SMIM41: variants seen among roughly 807,000 people sequenced by gnomAD.
The protein encoded by SMIM41 is small integral membrane protein 41.
intron 2 of SMIM41, among the ~76,000 whole-genome samples, chr12:52,095,578 C>T (rs1329855598): frequency 6.6e-6 from 1 of 152,152 alleles, no homozygotes; most frequent in African/African-American, 2.4e-5. Flanking sequence ...GTATCATCCT[C>T]TCCCACGTTG....
At chr12:52,083,175 C>T (rs1592321140) in intron 1 of SMIM41, among the ~76,000 whole-genome samples, 1 of 152,270 alleles carries the variant, frequency 6.6e-6, no homozygotes, top group Non-Finnish European at 1.5e-5. Flanking sequence ...TGGCTGTGCC[C>T]CCTGCCTTCT....
Position 52,080,055 on chromosome 12 carries a change from C to T in SMIM41, c.276C>T (p.Asp92=). ...GSASGEDGDD[D]S ...CCAGCGGAGAGGACGGCGACGACGA[C>T]TCCTAGGCGCCCGGCTGCGCTCGGT... The change falls in exon 1 of 3, where the codon GAC becomes GAT. Residue 92 remains aspartate, a synonymous_variant. Coordinates refer to ENST00000546390, the MANE Select transcript of SMIM41 (RefSeq NM_001369216.1). The T allele has an allele frequency of 2.7e-6, 1 of 363,834 alleles. No homozygotes were observed. Among genetic ancestry groups the T allele is most frequent in the Non-Finnish European group, 4.9e-6 (1 of 203,442 alleles). 22.5% of individuals were successfully genotyped at this position (363,834 alleles called of 1,614,324 possible).
intron 2 of SMIM41, among the ~76,000 whole-genome samples, chr12:52,090,640 T>C (rs948083264): frequency 1.3e-5 from 2 of 152,182 alleles, no homozygotes; most frequent in African/African-American, 2.4e-5. Context: ...GGACTTGTCT[T>C]GCACATTTTC....
intron 2 of SMIM41, among the ~76,000 whole-genome samples, chr12:52,091,264 C>T (rs1939998299): frequency 6.6e-6 from 1 of 152,188 alleles, no homozygotes; most frequent in Non-Finnish European, 1.5e-5. Context: ...TTTCAGGTGG[C>T]CATTCAGGGA....
At chr12:52,095,738 G>A (rs1004978327) in intron 2 of SMIM41, among the ~76,000 whole-genome samples, 1 of 151,872 alleles carries the variant, frequency 6.6e-6, no homozygotes, top group African/African-American at 2.4e-5. Context: ...TCTCTGCCTT[G>A]GAATATTAAG....
intron 2 of SMIM41, among the ~76,000 whole-genome samples, chr12:52,084,261 G>T (rs1246691966): frequency 6.6e-6 from 1 of 151,774 alleles, no homozygotes; most frequent in Non-Finnish European, 1.5e-5. Flanking sequence ...ATAATGGGGA[G>T]AATTGCTTGA....
In SMIM41 at chr12:52,107,929, T is replaced by A; in HGVS notation, c.*746T>A. On this transcript the variant is annotated 3_prime_UTR_variant, in exon 3 of 3. Coordinates refer to ENST00000546390, the MANE Select transcript of SMIM41 (RefSeq NM_001369216.1). ...TGTGACACCTTCATCAATAACATAA[T>A]CATGTATTTCCCTACTGCCATATTT... 1 of 274,278 alleles carries A rather than the reference T, an allele frequency of 3.6e-6. No homozygotes were observed. The highest frequency in any genetic ancestry group is 7.1e-6 in the Non-Finnish European group (1 of 140,456). The allele number at this position is 274,278 out of a possible 1,614,324, so 17.0% of individuals were successfully genotyped here.
rs181433370 is a variant in SMIM41, at chr12:52,100,139, T to G, written c.*196-7240T>G. Reference sequence around the variant, plus strand: ...GCGCGGGTATACATTTCCTACGCTGTTGGGAGTAATATCATTCTTTTCCTC... The same window carrying G: ...GCGCGGGTATACATTTCCTACGCTGGTGGGAGTAATATCATTCTTTTCCTC... On this transcript the variant is annotated intron_variant, in intron 2 of 2. Transcript: ENST00000546390. 4.4e-3 allele frequency among the ~76,000 whole-genome samples: 670 copies of G among 152,206 alleles called. 3 individuals are homozygous for G. Among genetic ancestry groups the G allele is most frequent in the African/African-American group, 0.015 (641 of 41,508 alleles).
chr12:52,093,175 C>T (rs7134974), intron 2 of SMIM41, among the ~76,000 whole-genome samples: 33,116 of 152,052 alleles, frequency 0.22, 4,316 homozygotes, highest in East Asian at 0.45. Flanking sequence ...TCCAGCCTAG[C>T]GACAGAGCGA....
chr12:52,094,133 G>GAAAA (rs71092745), intron 2 of SMIM41, among the ~76,000 whole-genome samples: 3 of 128,598 alleles, frequency 2.3e-5, no homozygotes, highest in Non-Finnish European at 4.7e-5. Context: ...TCCATCTCCG[G>GAAAA]AAAAAAAAAA....
chr12:52,080,044 G>A lies in SMIM41; in HGVS notation c.265G>A (p.Gly89Ser), dbSNP rs1378676149. Residue 89 changes from glycine to serine, a missense_variant, in exon 1 of 3, where the codon GGC becomes AGC. Coordinates refer to ENST00000546390, the MANE Select transcript of SMIM41 (RefSeq NM_001369216.1). ...PEPGSASGEDGDDDS is the reference protein window; with the variant it reads ...PEPGSASGEDSDDDS ...GCCGGGCAGTGCCAGCGGAGAGGAC[G>A]GCGACGACGACTCCTAGGCGCCCGG... 5 of 366,458 alleles carry A rather than the reference G, an allele frequency of 1.4e-5. No individual in the cohort carries two copies. Among genetic ancestry groups the A allele is most frequent in the Non-Finnish European group, 2.4e-5 (5 of 205,292 alleles). The allele number at this position is 366,458 out of a possible 1,614,324, so 22.7% of individuals were successfully genotyped here.
At chr12:52,082,704 G>A (rs993069949) in intron 1 of SMIM41, among the ~76,000 whole-genome samples, 1 of 152,154 alleles carries the variant, frequency 6.6e-6, no homozygotes, top group African/African-American at 2.4e-5. Context: ...GGGCTGGGGC[G>A]GCTGATGGGT....
intron 2 of SMIM41, among the ~76,000 whole-genome samples, chr12:52,095,835 G>T (rs1940083312): frequency 6.6e-6 from 1 of 151,886 alleles, no homozygotes. Context: ...AAACAGAGTG[G>T]GTGTACACCT....
rs748941788 is a variant in SMIM41, at chr12:52,081,573, G to T, written c.*120+1392G>T. ...TTGTCCAGGGCCCTGAGGCGTGTGT[G>T]TAGTGTGTCTGTTACTGCACCTGGC... On this transcript the variant is annotated intron_variant, in intron 1 of 2. Transcript: ENST00000546390. The surrounding 1 kb of genome is among the most constrained non-coding windows in gnomAD (Gnocchi z 4.1). Among the ~76,000 whole-genome samples the T allele has an allele frequency of 2.1e-4, 32 of 152,246 alleles. No individual in the cohort carries two copies. The highest frequency in any genetic ancestry group is 2.9e-4 in the Non-Finnish European group (20 of 67,990).
At chr12:52,104,563 T>C (rs1338544241) in intron 2 of SMIM41, among the ~76,000 whole-genome samples, 1 of 152,062 alleles carries the variant, frequency 6.6e-6, no homozygotes, top group Non-Finnish European at 1.5e-5. Flanking sequence ...CCTTGTTTTG[T>C]ATCCTCATCC....
intron 2 of SMIM41, among the ~76,000 whole-genome samples, chr12:52,096,589 A>C (rs1412355884): frequency 6.6e-6 from 1 of 151,828 alleles, no homozygotes; most frequent in Non-Finnish European, 1.5e-5. Flanking sequence ...ATTAATAGTA[A>C]TTATTAGGAG....
intron 2 of SMIM41, among the ~76,000 whole-genome samples, chr12:52,099,124 G>A (rs549163453): frequency 7.3e-5 from 11 of 150,822 alleles, no homozygotes; most frequent in African/African-American, 2.7e-4. Context: ...AGGGATGTGT[G>A]TACCCCCTGC....
intron 1 of SMIM41, among the ~76,000 whole-genome samples, chr12:52,080,825 A>G (rs1188459084): frequency 6.6e-6 from 1 of 151,444 alleles, no homozygotes; most frequent in African/African-American, 2.4e-5. Context: ...GCCCTGGGGA[A>G]TGGGGAGGTG....
chr12:52,107,225 ATTACTTG>A, intron 2 of SMIM41, 147 bp from the exon 3 acceptor site: 1 of 368,954 alleles, frequency 2.7e-6, no homozygotes, highest in South Asian at 2.0e-5. Context: ...ATCTGAAAAC[ATTACTTG>A]TGAATTGCTT....
Sources: allele counts gnomAD v4.1 joint callset (sites outside exome capture counted in the v4.1 genomes callset), GRCh38; gene constraint gnomAD v4.1.1; non-coding constraint Gnocchi (gnomAD v3.1); transcripts MANE v1.5; gene names NCBI Gene and HGNC (gene_info 2026-07-23, HGNC 2026-07-21).